The following AKAP7 variants were observed in gnomAD, a reference collection of about 807,000 sequenced individuals.
The protein encoded by AKAP7 is A kinase (PRKA) anchor protein 7.
Under a neutral mutation model 39.5 loss-of-function variants are expected in AKAP7, and 39 were observed. The observed-to-expected ratio is 0.99, with a 90% CI of 0.76 to 1.29. The LOEUF is 1.29. Ranked by LOEUF, AKAP7 falls within the 50% of genes most tolerant of loss-of-function variation. The pLI is 0.00. For missense variants in AKAP7, 414 were observed against 407.7 expected (o/e 1.02, Z -0.13); for synonymous variants, 140 against 139.1 (o/e 1.01, Z -0.05).
At position 131,254,506 on chromosome 6, in the gene AKAP7, A is replaced by G. The variant is rs192910588; in HGVS notation, c.851-27024A>G. ...TATGTAGATACCTCTGTAACTAATT[A>G]GAAAACATTTTATTTTCTCTTTTGC... On this transcript the variant is annotated intron_variant, in intron 7 of 7. Transcript: ENST00000431975. Among the ~76,000 whole-genome samples, 633 of 152,366 alleles carry G rather than the reference A, an allele frequency of 4.2e-3. 2 individuals are homozygous for G. Among genetic ancestry groups the G allele is most frequent in the Non-Finnish European group, 7.6e-3 (514 of 68,036 alleles).
At chr6:131,195,361 G>T (rs893303193) in intron 5 of AKAP7, among the ~76,000 whole-genome samples, 2 of 151,968 alleles carry the variant, frequency 1.3e-5, no homozygotes, top group African/African-American at 4.8e-5. Flanking sequence ...TTAACTTTTT[G>T]TTGTTCTCTT....
At chr6:131,203,792 A>C (rs558163014) in intron 6 of AKAP7, among the ~76,000 whole-genome samples, 1 of 152,348 alleles carries the variant, frequency 6.6e-6, no homozygotes, top group Non-Finnish European at 1.5e-5. Context: ...ATCATAATTT[A>C]AACATTCTTC....
In AKAP7 at chr6:131,282,190, T is replaced by C; in HGVS notation, c.*464T>C. 7.8e-7 allele frequency: 1 copy of C among 1,281,290 alleles called. No homozygotes were observed. The highest frequency in any genetic ancestry group is 9.8e-7 in the Non-Finnish European group (1 of 1,017,556). The allele number at this position is 1,281,290 out of a possible 1,614,324, so 79.4% of individuals were successfully genotyped here. A position where few individuals can be genotyped will look rare whatever the true frequency, so the allele number is the denominator to read the frequency against. On this transcript the variant is annotated 3_prime_UTR_variant, in exon 8 of 8. Coordinates refer to ENST00000431975, the MANE Select transcript of AKAP7 (RefSeq NM_016377.4). ...TGTCATCTGTACAATTAGTCCATAA[T>C]GTTTCATGTTTGTCCTAAGTGTGCT... is the stretch of plus-strand genomic sequence containing the variant.
intron 2 of AKAP7, among the ~76,000 whole-genome samples, chr6:131,146,945 C>G (rs2128228201): frequency 6.6e-6 from 1 of 152,310 alleles, no homozygotes; most frequent in East Asian, 1.9e-4. Context: ...GGGAGCCAAT[C>G]TGTTGACAGC....
intron 7 of AKAP7, among the ~76,000 whole-genome samples, chr6:131,238,601 A>G (rs949985699): frequency 6.6e-6 from 1 of 152,118 alleles, no homozygotes; most frequent in African/African-American, 2.4e-5. Context: ...CATATTGGGT[A>G]CATATATATT....
At chr6:131,226,479 A>T (rs1444172885) in intron 7 of AKAP7, among the ~76,000 whole-genome samples, 1 of 152,254 alleles carries the variant, frequency 6.6e-6, no homozygotes, top group Non-Finnish European at 1.5e-5. Flanking sequence ...ATTAATAAAA[A>T]GGTGAAAACC....
intron 7 of AKAP7, among the ~76,000 whole-genome samples, chr6:131,243,572 A>G (rs1348275313): frequency 6.6e-6 from 1 of 152,130 alleles, no homozygotes; most frequent in African/African-American, 2.4e-5. Flanking sequence ...AAGTGTTATT[A>G]TAGGAAAAAA....
intron 4 of AKAP7, 79 bp from the exon 5 acceptor site, chr6:131,169,034 A>G: frequency 8.0e-7 from 1 of 1,245,452 alleles, no homozygotes; most frequent in South Asian, 1.4e-5. Flanking sequence ...TCTTTCTAAA[A>G]CTGGTACTTT....
At chr6:131,259,720 G>T (rs968035305) in intron 7 of AKAP7, among the ~76,000 whole-genome samples, 8 of 152,160 alleles carry the variant, frequency 5.3e-5, no homozygotes, top group Non-Finnish European at 1.2e-4. Flanking sequence ...ATAATAAATT[G>T]CCTGAGAGAA....
chr6:131,181,957 C>T (rs1019601695), intron 5 of AKAP7, among the ~76,000 whole-genome samples: 6 of 151,996 alleles, frequency 3.9e-5, no homozygotes, highest in Non-Finnish European at 7.4e-5. Context: ...AACTCCATCT[C>T]TACTAAAAAT....
rs528618468 is a variant in AKAP7 at position 131,250,443 on chromosome 6, G to A, written c.850+30635G>A. The stretch of plus-strand genomic sequence containing the variant: ...GGCGGCGTGTGCATTGGCTCTTCAA[G>A]CTGCCTGTGCTGCTCCGTGGAGTGA... On this transcript the variant is annotated intron_variant, in intron 7 of 7. Transcript: ENST00000431975. 1.3e-5 allele frequency: 19 copies of A among 1,500,802 alleles called. No individual in the cohort carries two copies. In the African/African-American group the frequency reaches 1.8e-4, roughly 14 times the overall value. The allele number at this position is 1,500,802 out of a possible 1,614,324, so 93.0% of individuals were successfully genotyped here. A position where few individuals can be genotyped will look rare whatever the true frequency, so the allele number is the denominator to read the frequency against.
intron 7 of AKAP7, among the ~76,000 whole-genome samples, chr6:131,275,208 A>G (rs1395088188): frequency 6.6e-6 from 1 of 152,254 alleles, no homozygotes; most frequent in East Asian, 1.9e-4. Context: ...AGATTTAATC[A>G]TAACCTACAT....
At chr6:131,271,614 G>A (rs1014941057) in intron 7 of AKAP7, among the ~76,000 whole-genome samples, 10 of 151,786 alleles carry the variant, frequency 6.6e-5, no homozygotes, top group Admixed American at 2.0e-4. Context: ...CAGTAGTGCC[G>A]TCATAGTTCA....
chr6:131,193,985 C>CA (rs1229967957), intron 5 of AKAP7, among the ~76,000 whole-genome samples: 1 of 151,792 alleles, frequency 6.6e-6, no homozygotes, highest in South Asian at 2.1e-4. Context: ...CTTATCTTTT[C>CA]AAAAAAACAG....
chr6:131,128,854 AT>A, the AKAP7 span, among the ~76,000 whole-genome samples: 1 of 151,968 alleles, frequency 6.6e-6, no homozygotes, highest in African/African-American at 2.4e-5. Flanking sequence ...TAATTAAAAA[AT>A]TTAAACTAAT....
chr6:131,182,978 TG>T lies in AKAP7; in HGVS notation c.589+13710del, dbSNP rs1265722662. On this transcript the variant is annotated intron_variant, in intron 5 of 7. Coordinates refer to ENST00000431975, the MANE Select transcript of AKAP7 (RefSeq NM_016377.4). ...GAGTTCAACAAAAAAAATTTAATTT[TG>T]GGGGAAAAAAAGCTGTATTTCAAAA... is the stretch of plus-strand genomic sequence containing the variant. Among the ~76,000 whole-genome samples, 3 of 152,250 alleles carry T rather than the reference TG, an allele frequency of 2.0e-5. No individual in the cohort carries two copies. The South Asian group carries it at 6.2e-4, about 32-fold the overall frequency.
Position 131,267,354 on chromosome 6 carries a change from C to T in AKAP7, c.851-14176C>T, listed in dbSNP as rs760148961. Among the ~76,000 whole-genome samples, 8 of 152,296 alleles carry T rather than the reference C, an allele frequency of 5.3e-5. No homozygotes were observed. The East Asian group carries it at 1.5e-3, about 29-fold the overall frequency. On this transcript the variant is annotated intron_variant, in intron 7 of 7. Coordinates refer to ENST00000431975, the MANE Select transcript of AKAP7 (RefSeq NM_016377.4). ...TAATAGGAATGTTCTGAGACCGAAG[C>T]TTACATTTCATAACATGAGCAGTTT... is the stretch of plus-strand genomic sequence containing the variant.
At chr6:131,221,920 G>A (rs764535583) in intron 7 of AKAP7, among the ~76,000 whole-genome samples, 2 of 152,206 alleles carry the variant, frequency 1.3e-5, no homozygotes, top group Non-Finnish European at 2.9e-5. Context: ...TGCTAACACA[G>A]TGTCCATTCT....
intron 1 of AKAP7, among the ~76,000 whole-genome samples, chr6:131,139,118 A>G (rs1355880184): frequency 1.3e-5 from 2 of 152,222 alleles, no homozygotes; most frequent in East Asian, 3.8e-4. Context: ...TGTAGTTATG[A>G]CTGGTGTATT....
Sources: allele counts gnomAD v4.1 joint callset (sites outside exome capture counted in the v4.1 genomes callset), GRCh38; gene constraint gnomAD v4.1.1; transcripts MANE v1.5; gene names NCBI Gene and HGNC (gene_info 2026-07-23, HGNC 2026-07-21).